TMPRSS2: variants seen among roughly 807,000 people sequenced by gnomAD.
TMPRSS2 encodes the protein transmembrane serine protease 2.
TMPRSS2 carries 59 observed loss-of-function variants against 67.4 expected under a neutral mutation model. The ratio of observed to expected loss-of-function variants is 0.88; its 90% CI spans 0.71 to 1.09. TMPRSS2 has a LOEUF of 1.09. TMPRSS2 is among the 50% of genes least tolerant of loss of function. TMPRSS2 has a pLI of 0.00. For synonymous variants in TMPRSS2, 257 were observed against 257.0 expected, an observed-to-expected ratio of 1.00 and a Z score of 0.00; for missense variants, 668 against 642.7, an observed-to-expected ratio of 1.04 and a Z score of -0.43.
At chr21:41,501,211 T>C (rs1388099551) in intron 1 of TMPRSS2, among the ~76,000 whole-genome samples, 1 of 152,228 alleles carries the variant, frequency 6.6e-6, no homozygotes, top group Non-Finnish European at 1.5e-5. Flanking sequence ...AGGATAATCC[T>C]ATCTCTTCCA....
intron 4 of TMPRSS2, among the ~76,000 whole-genome samples, chr21:41,489,128 T>C (rs1417751213): frequency 1.3e-5 from 2 of 152,208 alleles, no homozygotes; most frequent in African/African-American, 2.4e-5. Context: ...CACATGGGTC[T>C]GCACCACCCC....
chr21:41,498,793 G>A (rs1167704713), intron 1 of TMPRSS2, among the ~76,000 whole-genome samples: 1 of 152,236 alleles, frequency 6.6e-6, no homozygotes, highest in East Asian at 1.9e-4. Flanking sequence ...ACAGCTCCCT[G>A]GAAGTGTCGA....
chr21:41,472,193 C>T (rs538803792), intron 9 of TMPRSS2, among the ~76,000 whole-genome samples: 1 of 151,658 alleles, frequency 6.6e-6, no homozygotes, highest in Admixed American at 6.6e-5. Flanking sequence ...CCACATCATC[C>T]TTCTTTCTGG....
At chr21:41,466,687 C>T (rs1446372068) in intron 13 of TMPRSS2, among the ~76,000 whole-genome samples, 1 of 152,234 alleles carries the variant, frequency 6.6e-6, no homozygotes, top group Non-Finnish European at 1.5e-5. Context: ...GAAGGAGACA[C>T]AGGTCGGGCC....
intron 1 of TMPRSS2, among the ~76,000 whole-genome samples, chr21:41,502,840 T>G (rs1398217551): frequency 3.9e-5 from 6 of 152,206 alleles, no homozygotes; most frequent in Admixed American, 6.5e-5. Context: ...AATGACTCAT[T>G]GTCCCAAAGA....
chr21:41,495,207 G>A (rs1437948927), intron 2 of TMPRSS2, among the ~76,000 whole-genome samples: 1 of 151,892 alleles, frequency 6.6e-6, no homozygotes, highest in Non-Finnish European at 1.5e-5. Flanking sequence ...GTTTTGGTTT[G>A]GTTTTACTAT....
rs748528218 is a variant in TMPRSS2 at position 41,471,946 on chromosome 21, G to T, written c.935C>A (p.Ala312Glu). 1 of 1,612,366 alleles carries T rather than the reference G, an allele frequency of 6.2e-7. No homozygotes were observed. Among genetic ancestry groups the T allele is most frequent in the East Asian group, 2.2e-5 (1 of 44,846 alleles). Residue 312 changes from alanine to glutamate, a missense_variant, in exon 10 of 14, where the codon GCG (alanine) becomes GAG (glutamate). Coordinates refer to ENST00000332149, the MANE Select transcript of TMPRSS2 (RefSeq NM_005656.4). ...CATGAAAGATTGTCTCAAAATCCCC[G>T]CAAATGCCGTCCAATGCCATGGATT... ...LNNPWHWTAF[A>E]GILRQSFMFY...
rs375291655 is a variant in TMPRSS2, at chr21:41,470,645, C to G, written c.1171+3G>C. 9 of 1,613,118 alleles carry G rather than the reference C, an allele frequency of 5.6e-6. No individual in the cohort carries two copies. Among genetic ancestry groups the G allele is most frequent in the Non-Finnish European group, 6.8e-6 (8 of 1,179,780 alleles). ...AGTCCTGTGTGCCCAGGAGCAGCCT[C>G]ACCTTTCTCCTCGGTGGCCCCCCAC... On this transcript the variant is annotated splice_donor_region_variant and intron_variant, in intron 11 of 13. Coordinates refer to ENST00000332149, the MANE Select transcript of TMPRSS2 (RefSeq NM_005656.4).
chr21:41,483,365 C>T lies in TMPRSS2; in HGVS notation c.446-2763G>A, dbSNP rs999291650. 3.3e-5 allele frequency among the ~76,000 whole-genome samples: 5 copies of T among 152,004 alleles called. No homozygotes were observed. The East Asian group carries it at 5.8e-4, about 18-fold the overall frequency. On this transcript the variant is annotated intron_variant, in intron 5 of 13. Transcript: ENST00000332149. ...ATGGCATGATCTCAGCTCACCGCAACCTCCACCTCCTGGGTTCAAGAGATT... is the reference window on the plus strand; with the variant it reads ...ATGGCATGATCTCAGCTCACCGCAATCTCCACCTCCTGGGTTCAAGAGATT...
intron 1 of TMPRSS2, chr21:41,506,671 A>AC (rs1268169105): frequency 3.3e-5 from 5 of 152,198 alleles, no homozygotes; most frequent in Admixed American, 3.3e-4. Flanking sequence ...CACACTCCCA[A>AC]CCCCCATCCT....
intron 1 of TMPRSS2, 119 bp downstream of exon 1, chr21:41,507,962 G>A (rs974142174): frequency 6.8e-7 from 1 of 1,476,394 alleles, no homozygotes; most frequent in Non-Finnish European, 8.9e-7. Context: ...GCCGCGCCGC[G>A]CTCCTCACAC....
intron 1 of TMPRSS2, chr21:41,507,861 A>C: frequency 7.1e-7 from 1 of 1,402,408 alleles, no homozygotes; most frequent in Non-Finnish European, 9.4e-7. Context: ...GGCCGTGCGC[A>C]AGGGGTCCCA....
rs1228433788 is a variant in TMPRSS2 at position 41,468,490 on chromosome 21, G to A, written c.1220C>T (p.Thr407Ile). 4 of 1,614,188 alleles carry A rather than the reference G, an allele frequency of 2.5e-6. No individual in the cohort carries two copies. Among genetic ancestry groups the A allele is most frequent in the Non-Finnish European group, 3.4e-6 (4 of 1,180,038 alleles). Residue 407 changes from threonine to isoleucine, a missense_variant, in exon 12 of 14, where the codon ACA becomes ATA. By Grantham distance (89) the Thr-to-Ile change is moderately conservative. Transcript: ENST00000332149. ...LNAAKVLLIE[T>I]QRCNSRYVYD... ...GACATATCTGCTGTTGCATCTCTGT[G>A]TCTCAATGAGAAGCACCTTGGCAGC...
chr21:41,506,949 C>T (rs186605876), intron 1 of TMPRSS2, among the ~76,000 whole-genome samples: 3 of 152,318 alleles, frequency 2.0e-5, no homozygotes, highest in Non-Finnish European at 2.9e-5. Flanking sequence ...GCCTCGAAGG[C>T]GAGCCCTGGG....
intron 2 of TMPRSS2, among the ~76,000 whole-genome samples, chr21:41,496,560 C>T (rs1367795520): frequency 1.3e-5 from 2 of 152,170 alleles, no homozygotes; most frequent in African/African-American, 4.8e-5. Context: ...CAGCTCCATC[C>T]TTCAGCTGGT....
intron 3 of TMPRSS2, among the ~76,000 whole-genome samples, chr21:41,493,041 G>A (rs1029055436): frequency 2.6e-5 from 4 of 152,170 alleles, no homozygotes; most frequent in Admixed American, 2.0e-4. Flanking sequence ...CCTTGCGGGA[G>A]GTTGAGCAGC....
intron 3 of TMPRSS2, among the ~76,000 whole-genome samples, chr21:41,490,228 G>A (rs184011100): frequency 4.1e-4 from 60 of 146,792 alleles, no homozygotes; most frequent in Non-Finnish European, 7.2e-4. Flanking sequence ...AAAGAACTAA[G>A]ACCTCATCTT....
chr21:41,475,614 TGAGGA>T (rs2091203938), intron 8 of TMPRSS2, among the ~76,000 whole-genome samples: 1 of 12,972 alleles, frequency 7.7e-5, no homozygotes. Context: ...AGTGAGGAGG[TGAGGA>T]GGTGAGTGAG....
chr21:41,496,890 G>C (rs1023739981), intron 2 of TMPRSS2, among the ~76,000 whole-genome samples: 72 of 136,722 alleles, frequency 5.3e-4, no homozygotes, highest in Non-Finnish European at 7.5e-4. Context: ...GCCCAGGCTG[G>C]AGTGCAGTGG....
Sources: allele counts gnomAD v4.1 joint callset (sites outside exome capture counted in the v4.1 genomes callset), GRCh38; gene constraint gnomAD v4.1.1; transcripts MANE v1.5; gene names NCBI Gene and HGNC (gene_info 2026-07-23, HGNC 2026-07-21).